The following ATP1B3 variants were observed in gnomAD, a reference collection of about 807,000 sequenced individuals.
ATP1B3 encodes the protein ATPase Na+/K+ transporting subunit beta 3.
ATP1B3 carries 10 observed loss-of-function variants against 30.2 expected under a neutral mutation model. The observed-to-expected ratio is 0.33, with a 90% CI of 0.20 to 0.56. The LOEUF (loss-of-function observed/expected upper bound fraction) is 0.56, where lower values mean the gene tolerates loss of function less well. Ranked by LOEUF, ATP1B3 falls within the 20% of genes least tolerant of loss-of-function variation. The pLI, the probability that ATP1B3 is intolerant of heterozygous loss-of-function variation, is 0.90. For synonymous variants in ATP1B3, 113 were observed against 117.0 expected, an observed-to-expected ratio of 0.97 and a Z score of 0.22; for missense variants, 238 against 336.7, an observed-to-expected ratio of 0.71 and a Z score of 2.29.
chr3:141,902,369 A>C (rs1000130822), intron 1 of ATP1B3: 1 of 543,018 alleles, frequency 1.8e-6, no homozygotes, highest in Non-Finnish European at 3.1e-6. Flanking sequence ...CTTTCAGCAC[A>C]ATCTGTTTTG....
chr3:141,913,169 C>G (rs1261247352), intron 3 of ATP1B3, among the ~76,000 whole-genome samples: 1 of 152,062 alleles, frequency 6.6e-6, no homozygotes, highest in Non-Finnish European at 1.5e-5. Context: ...TCATTAACTC[C>G]CACATACCCT....
chr3:141,893,248 A>G (rs981682850), intron 1 of ATP1B3, among the ~76,000 whole-genome samples: 1 of 152,134 alleles, frequency 6.6e-6, no homozygotes, highest in African/African-American at 2.4e-5. Flanking sequence ...ATCTCAAGCT[A>G]TCCACCCGCC....
chr3:141,896,450 GT>G (rs1934068539), intron 1 of ATP1B3, among the ~76,000 whole-genome samples: 1 of 152,178 alleles, frequency 6.6e-6, no homozygotes, highest in African/African-American at 2.4e-5. Flanking sequence ...GAGCCCAGGA[GT>G]TTGAGGCTGC....
intron 1 of ATP1B3, 100 bp from the exon 2 acceptor site, chr3:141,903,520 T>C (rs1934205688): frequency 6.5e-7 from 1 of 1,533,718 alleles, no homozygotes; most frequent in Non-Finnish European, 8.9e-7. Flanking sequence ...CTTGGGATCG[T>C]ACCCTTGCAA....
intron 1 of ATP1B3, among the ~76,000 whole-genome samples, chr3:141,886,597 T>C (rs1247190449): frequency 6.6e-6 from 1 of 152,204 alleles, no homozygotes; most frequent in Non-Finnish European, 1.5e-5. Flanking sequence ...AATACACCAG[T>C]ATACTGAGAA....
intron 5 of ATP1B3, chr3:141,916,564 G>C: frequency 7.8e-7 from 1 of 1,287,910 alleles, no homozygotes; most frequent in South Asian, 1.2e-5. Context: ...GACAAATAAT[G>C]TAAAAGATGG....
intron 1 of ATP1B3, among the ~76,000 whole-genome samples, chr3:141,890,808 A>G (rs1933937454): frequency 6.6e-6 from 1 of 152,066 alleles, no homozygotes; most frequent in African/African-American, 2.4e-5. Context: ...CCTGAGCTGA[A>G]GCGATCTGCC....
At chr3:141,916,718 A>T (rs1934471076) in intron 5 of ATP1B3, 1 of 581,792 alleles carries the variant, frequency 1.7e-6, no homozygotes, top group Admixed American at 3.5e-5. Context: ...AATTCTTTTT[A>T]CTGTTAATGG....
chr3:141,924,624 G>A (rs758016179), intron 6 of ATP1B3, among the ~76,000 whole-genome samples: 1 of 151,958 alleles, frequency 6.6e-6, no homozygotes, highest in Non-Finnish European at 1.5e-5. Context: ...ATTCCAACCT[G>A]GGCAACATAC....
At chr3:141,902,769 T>A (rs546322804) in intron 1 of ATP1B3, among the ~76,000 whole-genome samples, 1 of 152,208 alleles carries the variant, frequency 6.6e-6, no homozygotes, top group Non-Finnish European at 1.5e-5. Context: ...TTTCTGACCT[T>A]GTCCTTTTTT....
Position 141,922,291 on chromosome 3 carries a change from T to C in ATP1B3, c.669+228T>C. 4 of 352,232 alleles carry C rather than the reference T, an allele frequency of 1.1e-5. No individual in the cohort carries two copies. The South Asian group carries it at 1.4e-4, about 12-fold the overall frequency. 21.8% of individuals were successfully genotyped at this position (352,232 alleles called of 1,614,324 possible). ...TAAAGTTAGATGATTATTTCTAAAA[T>C]ATCATTTTCTTTTTCATTATAGAGG... On this transcript the variant is annotated intron_variant, in intron 6 of 6. Transcript: ENST00000286371.
intron 1 of ATP1B3, among the ~76,000 whole-genome samples, chr3:141,895,533 C>T (rs1053743525): frequency 2.6e-5 from 4 of 152,092 alleles, no homozygotes; most frequent in Admixed American, 2.6e-4. Context: ...ATCTGTGTTT[C>T]CATGTGTATC....
chr3:141,882,532 G>C (rs1192515294), intron 1 of ATP1B3, among the ~76,000 whole-genome samples: 2 of 152,042 alleles, frequency 1.3e-5, no homozygotes, highest in African/African-American at 4.8e-5. Context: ...TGGTGGCTTA[G>C]TTACTATCTC....
chr3:141,877,227 A>ACCCCTGCCCGAAGCCGGGCC (rs201610346), intron 1 of ATP1B3, among the ~76,000 whole-genome samples: 33,769 of 150,486 alleles, frequency 0.22, 3,957 homozygotes, highest in African/African-American at 0.24. Context: ...GAAGCCGGGG[A>ACCCCTGCCCGAAGCCGGGCC]CCCCTGCCCG....
chr3:141,902,298 A>T, intron 1 of ATP1B3: 1 of 1,120,690 alleles, frequency 8.9e-7, no homozygotes, highest in South Asian at 1.3e-5. Flanking sequence ...TTTCCCCTTT[A>T]CTTGAAAAAG....
intron 4 of ATP1B3, 23 bp downstream of exon 4, chr3:141,913,859 C>T: frequency 6.4e-7 from 1 of 1,567,562 alleles, no homozygotes; most frequent in Non-Finnish European, 8.6e-7. Context: ...TTTACCTCTG[C>T]TGCTGCTTTT....
At position 141,907,368 on chromosome 3, in the gene ATP1B3, C is replaced by T. The variant is rs565695539; in HGVS notation, c.346+94C>T. The T allele has an allele frequency of 1.2e-5, 12 of 980,084 alleles. No individual in the cohort carries two copies. In the African/African-American group the frequency reaches 1.8e-4, roughly 15 times the overall value. 60.7% of individuals were successfully genotyped at this position (980,084 alleles called of 1,614,324 possible). ...GGCACGGTAGCTCACGCCTGTAATC[C>T]CAGCACTTTGGGAGGCCGAAGCGGG... On this transcript the variant is annotated intron_variant, in intron 3 of 6. Coordinates refer to ENST00000286371, the MANE Select transcript of ATP1B3 (RefSeq NM_001679.4).
chr3:141,890,280 T>TG (rs1210891611), intron 1 of ATP1B3, among the ~76,000 whole-genome samples: 1 of 129,402 alleles, frequency 7.7e-6, no homozygotes, highest in Non-Finnish European at 1.6e-5. Flanking sequence ...TGTTTTTTTG[T>TG]GGGGCTTTTT....
chr3:141,920,238 A>G lies in ATP1B3; in HGVS notation c.583-1739A>G, dbSNP rs1022819596. ...CTGTCCACTAAGGCTTGTTAGGCCTAAAGGAGGGAAGTGTAAGCTAAGTGT... is the reference window on the plus strand; with the variant it reads ...CTGTCCACTAAGGCTTGTTAGGCCTGAAGGAGGGAAGTGTAAGCTAAGTGT... On this transcript the variant is annotated intron_variant, in intron 5 of 6. Transcript: ENST00000286371. Among the ~76,000 whole-genome samples the G allele has an allele frequency of 7.2e-5, 11 of 152,214 alleles. 1 individual carries two copies. The South Asian group carries it at 1.0e-3, about 14-fold the overall frequency.
Sources: allele counts gnomAD v4.1 joint callset (sites outside exome capture counted in the v4.1 genomes callset), GRCh38; gene constraint gnomAD v4.1.1; transcripts MANE v1.5; gene names NCBI Gene and HGNC (gene_info 2026-07-23, HGNC 2026-07-21).